Variants in SIL1 observed in about 807,000 individuals in gnomAD.
SIL1 encodes the protein SIL1 nucleotide exchange factor.
SIL1 carries 40 observed loss-of-function variants against 49.1 expected under a neutral mutation model. That is an observed-to-expected ratio of 0.81 (90% CI 0.63 to 1.06). SIL1 has a LOEUF of 1.06. SIL1 is among the 50% of genes least tolerant of loss of function. The pLI is 0.00. For missense variants in SIL1, 500 were observed against 572.6 expected, an observed-to-expected ratio of 0.87 and a Z score of 1.29; for synonymous variants, 253 against 250.8, an observed-to-expected ratio of 1.01 and a Z score of -0.08.
chr5:139,083,605 A>G (rs372266504), intron 3 of SIL1, among the ~76,000 whole-genome samples: 3,527 of 45,964 alleles, frequency 0.077, 213 homozygotes, highest in African/African-American at 0.14. Context: ...AGTAGGTTGC[A>G]AAAATTTTCT....
chr5:138,989,634 T>C (rs1051509945), intron 7 of SIL1, among the ~76,000 whole-genome samples: 16 of 152,090 alleles, frequency 1.1e-4, no homozygotes, highest in African/African-American at 3.4e-4. Context: ...CGCACTCCTT[T>C]ATGTAGGACA....
intron 3 of SIL1, among the ~76,000 whole-genome samples, chr5:139,064,161 G>A (rs1407506180): frequency 6.6e-6 from 1 of 152,014 alleles, no homozygotes; most frequent in African/African-American, 2.4e-5. Flanking sequence ...AATTATTTCA[G>A]ACCAGTATCA....
chr5:139,150,764 C>T (rs1248214982), intron 1 of SIL1, among the ~76,000 whole-genome samples: 2 of 152,136 alleles, frequency 1.3e-5, no homozygotes, highest in Non-Finnish European at 1.5e-5. Context: ...ACGTGGGCTG[C>T]GGGGAAGGTC....
At chr5:139,025,196 A>G (rs1357441281) in intron 6 of SIL1, among the ~76,000 whole-genome samples, 1 of 152,182 alleles carries the variant, frequency 6.6e-6, no homozygotes, top group African/African-American at 2.4e-5. Context: ...TGAATAAATC[A>G]ATGGCTTTTA....
intron 3 of SIL1, among the ~76,000 whole-genome samples, chr5:139,099,729 C>T (rs1454301379): frequency 6.6e-6 from 1 of 151,828 alleles, no homozygotes; most frequent in Non-Finnish European, 1.5e-5. Flanking sequence ...AAAATCAAAA[C>T]AATTGAACTC....
Position 138,947,579 on chromosome 5 carries a change from CA to C in SIL1, c.1030-107del. The C allele has an allele frequency of 1.0e-6, 1 of 979,716 alleles. No individual in the cohort carries two copies. The highest frequency in any genetic ancestry group is 1.6e-6 in the Non-Finnish European group (1 of 612,572). 60.7% of individuals were successfully genotyped at this position (979,716 alleles called of 1,614,324 possible). On this transcript the variant is annotated intron_variant, in intron 9 of 9. Transcript: ENST00000394817. The surrounding 1 kb of genome is among the most constrained non-coding windows in gnomAD (Gnocchi z 4.1). ...TAGCTCTGCCCTTCAGACAGGAAGGCACGAGGCTGACCCCTGAGGGCCCACC... is the reference window on the plus strand; with the variant it reads ...TAGCTCTGCCCTTCAGACAGGAAGGCCGAGGCTGACCCCTGAGGGCCCACC...
intron 1 of SIL1, among the ~76,000 whole-genome samples, chr5:139,168,303 G>C (rs889293213): frequency 6.6e-6 from 1 of 152,210 alleles, no homozygotes; most frequent in African/African-American, 2.4e-5. Context: ...CTGAAGCCTT[G>C]CAACTTCCAG....
chr5:139,123,000 C>G (rs1561871118), intron 2 of SIL1, among the ~76,000 whole-genome samples: 1 of 151,398 alleles, frequency 6.6e-6, no homozygotes, highest in Non-Finnish European at 1.5e-5. Context: ...AAAATAATAA[C>G]AACATCTAGC....
At chr5:139,178,888 A>G (rs1368401316) in intron 1 of SIL1, among the ~76,000 whole-genome samples, 1 of 152,180 alleles carries the variant, frequency 6.6e-6, no homozygotes, top group Non-Finnish European at 1.5e-5. Context: ...GTTGACTGAA[A>G]AAATAAAATT....
chr5:139,056,069 T>G (rs1421617846), intron 3 of SIL1, among the ~76,000 whole-genome samples: 13 of 151,530 alleles, frequency 8.6e-5, no homozygotes, highest in Admixed American at 2.0e-4. Flanking sequence ...AGTGCCGAGA[T>G]TGCAGCCTCT....
intron 5 of SIL1, chr5:139,032,811 CTA>C (rs1768821322): frequency 6.6e-6 from 1 of 152,076 alleles, no homozygotes; most frequent in African/African-American, 2.4e-5. Flanking sequence ...AACAGCTGGA[CTA>C]TTTCATGAAA....
At chr5:139,153,255 A>G (rs1416999824) in intron 1 of SIL1, among the ~76,000 whole-genome samples, 1 of 151,996 alleles carries the variant, frequency 6.6e-6, no homozygotes, top group African/African-American at 2.4e-5. Flanking sequence ...TACTCATCCT[A>G]AAGGCTACAG....
chr5:138,956,699 C>T (rs1337926505), intron 7 of SIL1, among the ~76,000 whole-genome samples: 2 of 149,528 alleles, frequency 1.3e-5, no homozygotes, highest in African/African-American at 2.5e-5. Context: ...GCTGAGATCA[C>T]GCCACTGCAC....
chr5:139,102,037 G>A (rs1017896623), intron 3 of SIL1, among the ~76,000 whole-genome samples: 1 of 152,168 alleles, frequency 6.6e-6, no homozygotes, highest in Non-Finnish European at 1.5e-5. Flanking sequence ...ACGCACTTGG[G>A]TGTGAATCCT....
At chr5:139,118,065 A>G (rs1180096387) in intron 3 of SIL1, among the ~76,000 whole-genome samples, 1 of 152,178 alleles carries the variant, frequency 6.6e-6, no homozygotes, top group Non-Finnish European at 1.5e-5. Flanking sequence ...AACTGTCCAT[A>G]TAAACTTGCA....
intron 4 of SIL1, among the ~76,000 whole-genome samples, chr5:139,050,030 C>T (rs1461985501): frequency 6.6e-6 from 1 of 152,214 alleles, no homozygotes. Flanking sequence ...AACAAATGAG[C>T]ATGGCTGTGT....
intron 7 of SIL1, among the ~76,000 whole-genome samples, chr5:138,965,886 T>C (rs891358072): frequency 2.0e-5 from 3 of 151,800 alleles, no homozygotes; most frequent in Non-Finnish European, 2.9e-5. Context: ...ATATCTTCCA[T>C]AGAACTTAAC....
At chr5:138,961,926 G>C (rs1767026933) in intron 7 of SIL1, among the ~76,000 whole-genome samples, 1 of 144,502 alleles carries the variant, frequency 6.9e-6, no homozygotes, top group South Asian at 2.2e-4. Context: ...TCCAAACACA[G>C]TCACTTTCTG....
intron 9 of SIL1, among the ~76,000 whole-genome samples, chr5:138,950,312 G>A (rs1371875887): frequency 6.6e-6 from 1 of 152,242 alleles, no homozygotes; most frequent in African/African-American, 2.4e-5. Context: ...TAAGAAACTG[G>A]ATTTCTGCAG....
Sources: allele counts gnomAD v4.1 joint callset (sites outside exome capture counted in the v4.1 genomes callset), GRCh38; gene constraint gnomAD v4.1.1; non-coding constraint Gnocchi (gnomAD v3.1); transcripts MANE v1.5; gene names NCBI Gene and HGNC (gene_info 2026-07-23, HGNC 2026-07-21).